Variants in CAP2 observed in about 807,000 individuals in gnomAD.
CAP2 encodes the protein adenylyl cyclase-associated protein 2.
Under a neutral mutation model 57.7 loss-of-function variants are expected in CAP2, and 24 were observed. The ratio of observed to expected loss-of-function variants is 0.42; its 90% CI spans 0.30 to 0.58. The LOEUF (loss-of-function observed/expected upper bound fraction) is 0.58. Ranked by LOEUF, CAP2 falls within the 20% of genes least tolerant of loss-of-function variation. The pLI, the probability that CAP2 is intolerant of heterozygous loss-of-function variation, is 0.22. For synonymous variants in CAP2, 194 were observed against 207.2 expected (o/e 0.94, Z 0.55); for missense variants, 501 against 590.3 (o/e 0.85, Z 1.57).
chr6:17,443,380 C>T (rs1380677496), intron 3 of CAP2, among the ~76,000 whole-genome samples: 2 of 152,188 alleles, frequency 1.3e-5, no homozygotes, highest in African/African-American at 4.8e-5. Flanking sequence ...TCCCTACTTG[C>T]CGTCTTTCTA....
chr6:17,540,848 AGACT>A (rs1762881784), intron 8 of CAP2, 121 bp from the exon 9 acceptor site: 6 of 825,026 alleles, frequency 7.3e-6, no homozygotes, highest in Non-Finnish European at 9.8e-6. Flanking sequence ...AGAAAGCACT[AGACT>A]GTTTTGAAAG....
chr6:17,394,861 G>T (rs970927), intron 1 of CAP2, among the ~76,000 whole-genome samples: 1 of 151,966 alleles, frequency 6.6e-6, no homozygotes, highest in Non-Finnish European at 1.5e-5. Context: ...TAGTTCCTAC[G>T]GCACCAAACA....
At chr6:17,516,411 C>T (rs1762275305) in intron 7 of CAP2, among the ~76,000 whole-genome samples, 1 of 152,174 alleles carries the variant, frequency 6.6e-6, no homozygotes, top group Non-Finnish European at 1.5e-5. Flanking sequence ...TTCATGGAAA[C>T]TCCTTTCCAT....
intron 2 of CAP2, among the ~76,000 whole-genome samples, chr6:17,423,366 G>A (rs532805685): frequency 1.3e-5 from 2 of 152,172 alleles, no homozygotes; most frequent in East Asian, 1.9e-4. Flanking sequence ...GTTTTTTTCC[G>A]CACCAACTGA....
chr6:17,531,370 C>G, intron 7 of CAP2: 1 of 1,588,624 alleles, frequency 6.3e-7, no homozygotes, highest in Non-Finnish European at 8.5e-7. Context: ...TGATGACAAA[C>G]GCCAATTTGG....
intron 4 of CAP2, among the ~76,000 whole-genome samples, chr6:17,465,925 C>G (rs1760853217): frequency 6.6e-6 from 1 of 152,194 alleles, no homozygotes; most frequent in Admixed American, 6.5e-5. Context: ...AAATGTTCCT[C>G]ATAGAAGAGC....
At chr6:17,400,196 A>G (rs1758773789) in intron 1 of CAP2, among the ~76,000 whole-genome samples, 2 of 152,172 alleles carry the variant, frequency 1.3e-5, no homozygotes, top group South Asian at 2.1e-4. Context: ...ACTGCATTCC[A>G]GTGTGGGCAA....
At chr6:17,429,869 C>A (rs1361002010) in intron 3 of CAP2, among the ~76,000 whole-genome samples, 1 of 152,178 alleles carries the variant, frequency 6.6e-6, no homozygotes, top group Non-Finnish European at 1.5e-5. Context: ...TATTTTTTCT[C>A]TCGCTTACAG....
In CAP2 at chr6:17,471,524, C is replaced by T. The variant is rs189437907; in HGVS notation, c.300+8451C>T. Among the ~76,000 whole-genome samples, 842 of 152,146 alleles carry T rather than the reference C, an allele frequency of 5.5e-3. 6 individuals carry two copies. The highest frequency in any genetic ancestry group is 8.5e-3 in the Non-Finnish European group (575 of 67,986). ...TGATCTTGGAAGTAGAAAAAAGCTA[C>T]AAGAGAAGTAAAAGGTAAAAAAGTT... On this transcript the variant is annotated intron_variant, in intron 4 of 12. Transcript: ENST00000229922.
At chr6:17,423,120 G>A (rs1039690226) in intron 2 of CAP2, among the ~76,000 whole-genome samples, 24 of 152,158 alleles carry the variant, frequency 1.6e-4, no homozygotes, top group Non-Finnish European at 2.9e-4. Flanking sequence ...GAGAAAAGCC[G>A]TGGGGAAGAA....
intron 1 of CAP2, among the ~76,000 whole-genome samples, chr6:17,420,149 C>T (rs1759399816): frequency 6.6e-6 from 1 of 152,116 alleles, no homozygotes; most frequent in Admixed American, 6.5e-5. Context: ...GGATTACAGG[C>T]GTGAGCCACC....
intron 3 of CAP2, among the ~76,000 whole-genome samples, chr6:17,440,981 C>T (rs187327900): frequency 6.0e-5 from 9 of 151,180 alleles, no homozygotes; most frequent in African/African-American, 1.5e-4. Flanking sequence ...TCATCCGTGT[C>T]GCTACAAAGG....
At chr6:17,420,449 G>C (rs903652759) in intron 1 of CAP2, among the ~76,000 whole-genome samples, 1 of 152,222 alleles carries the variant, frequency 6.6e-6, no homozygotes, top group African/African-American at 2.4e-5. Flanking sequence ...TTAGCTCTTA[G>C]AGGTGATGGC....
intron 4 of CAP2, among the ~76,000 whole-genome samples, chr6:17,463,539 G>A (rs1405193672): frequency 1.3e-5 from 2 of 152,168 alleles, no homozygotes; most frequent in East Asian, 3.9e-4. Context: ...TAACCTCCAT[G>A]TATGGATTTT....
At chr6:17,457,293 A>G (rs531972736) in intron 3 of CAP2, among the ~76,000 whole-genome samples, 1 of 152,134 alleles carries the variant, frequency 6.6e-6, no homozygotes, top group Non-Finnish European at 1.5e-5. Flanking sequence ...CCCCTCGATT[A>G]TTTGTCGTTA....
chr6:17,447,621 C>T (rs1336761717), intron 3 of CAP2, among the ~76,000 whole-genome samples: 1 of 152,246 alleles, frequency 6.6e-6, no homozygotes, highest in East Asian at 1.9e-4. Context: ...GCCCCAGCCT[C>T]CGGCGTAGCT....
intron 3 of CAP2, among the ~76,000 whole-genome samples, chr6:17,454,217 C>T (rs1179980201): frequency 6.6e-6 from 1 of 151,894 alleles, no homozygotes; most frequent in East Asian, 1.9e-4. Flanking sequence ...GCTCAGGGCT[C>T]CTTCAAGCAG....
chr6:17,515,041 T>C (rs1488325638), intron 7 of CAP2, among the ~76,000 whole-genome samples: 1 of 151,584 alleles, frequency 6.6e-6, no homozygotes, highest in African/African-American at 2.4e-5. Flanking sequence ...CTGCTAAAAA[T>C]ACAAAAAACA....
intron 4 of CAP2, among the ~76,000 whole-genome samples, chr6:17,471,103 G>T (rs1310700092): frequency 6.6e-6 from 1 of 152,196 alleles, no homozygotes; most frequent in Non-Finnish European, 1.5e-5. Context: ...TGATCTCAGA[G>T]CATACCTTGG....
Sources: allele counts gnomAD v4.1 joint callset (sites outside exome capture counted in the v4.1 genomes callset), GRCh38; gene constraint gnomAD v4.1.1; transcripts MANE v1.5; gene names NCBI Gene and HGNC (gene_info 2026-07-23, HGNC 2026-07-21).